Variants in NELL1 observed in about 807,000 individuals in gnomAD.
The protein encoded by NELL1 is protein kinase C-binding protein NELL1.
In NELL1, 76 loss-of-function variants were observed where a neutral mutation model predicts 107.4. The observed-to-expected ratio is 0.71, with a 90% CI of 0.59 to 0.86. NELL1 has a LOEUF of 0.86. Ranked by LOEUF, NELL1 falls within the 40% of genes least tolerant of loss-of-function variation. The probability of loss-of-function intolerance (pLI) is 0.00; values close to 1 mark genes in which losing one functional copy is unlikely to be tolerated. For synonymous variants in NELL1, 353 were observed against 341.2 expected (o/e 1.03, Z -0.38); for missense variants, 1,024 against 1,005.5 (o/e 1.02, Z -0.25).
chr11:21,228,210 G>A (rs1342016656), intron 13 of NELL1, among the ~76,000 whole-genome samples: 1 of 152,178 alleles, frequency 6.6e-6, no homozygotes, highest in Admixed American at 6.5e-5. Flanking sequence ...TTATAGAGGA[G>A]TCATTTGGGT....
chr11:21,231,125 A>G (rs1350244442), intron 14 of NELL1, among the ~76,000 whole-genome samples: 1 of 152,204 alleles, frequency 6.6e-6, no homozygotes, highest in African/African-American at 2.4e-5. Flanking sequence ...ATACATGTAC[A>G]CATCACATTG....
intron 12 of NELL1, among the ~76,000 whole-genome samples, chr11:21,070,198 A>G (rs1437565697): frequency 6.6e-6 from 1 of 152,116 alleles, no homozygotes; most frequent in Non-Finnish European, 1.5e-5. Context: ...CTTGTACTAA[A>G]TTAAATGAGA....
intron 14 of NELL1, among the ~76,000 whole-genome samples, chr11:21,331,289 C>CT (rs906539086): frequency 9.9e-5 from 15 of 151,704 alleles, no homozygotes; most frequent in East Asian, 1.9e-4. Flanking sequence ...GCATGTTTCC[C>CT]TTTTTTTTAG....
At chr11:21,140,170 T>C (rs1396828325) in intron 13 of NELL1, among the ~76,000 whole-genome samples, 1 of 152,028 alleles carries the variant, frequency 6.6e-6, no homozygotes, top group Non-Finnish European at 1.5e-5. Context: ...AGAGCCTGGG[T>C]TGGACTTGAA....
chr11:21,276,581 C>T (rs1361537745), intron 14 of NELL1, among the ~76,000 whole-genome samples: 1 of 151,992 alleles, frequency 6.6e-6, no homozygotes, highest in African/African-American at 2.4e-5. Flanking sequence ...AAAGAGCCTG[C>T]ATTGCCAAGT....
chr11:21,124,252 C>T (rs1033584295), intron 13 of NELL1, among the ~76,000 whole-genome samples: 1 of 151,916 alleles, frequency 6.6e-6, no homozygotes, highest in African/African-American at 2.4e-5. Flanking sequence ...GAGTTTTTTT[C>T]CCCCCGAAGT....
At position 21,151,330 on chromosome 11, in the gene NELL1, C is replaced by G. The variant is rs531583488; in HGVS notation, c.1426+37616C>G. Among the ~76,000 whole-genome samples, 4 of 152,264 alleles carry G rather than the reference C, an allele frequency of 2.6e-5. No homozygotes were observed. The East Asian group carries it at 7.7e-4, about 29-fold the overall frequency. On this transcript the variant is annotated intron_variant, in intron 13 of 19. Transcript: ENST00000357134. ...AGGATCCTTTACCAAATTACAAAGACTTACCCTTCATAAAGCAGCATGAAG... is the reference window on the plus strand; with the variant it reads ...AGGATCCTTTACCAAATTACAAAGAGTTACCCTTCATAAAGCAGCATGAAG...
At chr11:21,075,340 A>G (rs1167889385) in intron 12 of NELL1, among the ~76,000 whole-genome samples, 2 of 152,140 alleles carry the variant, frequency 1.3e-5, no homozygotes, top group Non-Finnish European at 2.9e-5. Context: ...TAAGAAGTAC[A>G]TATATTGCTA....
intron 18 of NELL1, among the ~76,000 whole-genome samples, chr11:21,571,342 A>G (rs961524447): frequency 6.6e-6 from 1 of 151,870 alleles, no homozygotes; most frequent in Non-Finnish European, 1.5e-5. Context: ...TAGAAATATC[A>G]GAGATTTAAT....
intron 13 of NELL1, among the ~76,000 whole-genome samples, chr11:21,162,547 G>A (rs1039967336): frequency 6.6e-6 from 1 of 152,182 alleles, no homozygotes; most frequent in Admixed American, 6.5e-5. Context: ...GATATGACCA[G>A]GTTTTAAGAT....
At chr11:20,953,944 A>T (rs887580527) in intron 11 of NELL1, among the ~76,000 whole-genome samples, 10 of 152,034 alleles carry the variant, frequency 6.6e-5, no homozygotes, top group Middle Eastern at 3.2e-3. Context: ...CTGTATTCCT[A>T]TTGTCTGGTA....
At chr11:20,748,722 C>G (rs1856060169) in intron 2 of NELL1, among the ~76,000 whole-genome samples, 1 of 152,162 alleles carries the variant, frequency 6.6e-6, no homozygotes, top group South Asian at 2.1e-4. Context: ...ATTCAAGTTG[C>G]TGTAAAAGAC....
intron 4 of NELL1, among the ~76,000 whole-genome samples, chr11:20,870,352 T>A (rs541124543): frequency 6.6e-6 from 1 of 152,208 alleles, no homozygotes; most frequent in African/African-American, 2.4e-5. Context: ...CTCACCTTTT[T>A]AATTTTTATT....
At chr11:21,075,054 C>G (rs16907420) in intron 12 of NELL1, among the ~76,000 whole-genome samples, 1,587 of 152,266 alleles carry the variant, frequency 0.01, 23 homozygotes, top group African/African-American at 0.035. Context: ...TGTGGGCTCA[C>G]TTCCCTCTTT....
intron 5 of NELL1, among the ~76,000 whole-genome samples, chr11:20,901,662 G>A (rs923969704): frequency 6.6e-6 from 1 of 151,820 alleles, no homozygotes; most frequent in Non-Finnish European, 1.5e-5. Flanking sequence ...GGGAGAAAAA[G>A]GAAGGGACTT....
intron 13 of NELL1, among the ~76,000 whole-genome samples, chr11:21,127,981 A>G (rs1855526218): frequency 6.6e-6 from 1 of 151,972 alleles, no homozygotes; most frequent in Non-Finnish European, 1.5e-5. Context: ...TTTCTGTATT[A>G]TCATGATGAT....
In NELL1 at chr11:20,694,578, C is replaced by T. The variant is rs150062261; in HGVS notation, c.184+16518C>T. On this transcript the variant is annotated intron_variant, in intron 2 of 19. Transcript: ENST00000357134. ...TTAGTAAAGATCAGATGGTTGTAGGCGTGTGGTTTTATTTCTGGATTCTCT... is the reference window on the plus strand; with the variant it reads ...TTAGTAAAGATCAGATGGTTGTAGGTGTGTGGTTTTATTTCTGGATTCTCT... 6.1e-4 allele frequency among the ~76,000 whole-genome samples: 93 copies of T among 152,002 alleles called. 1 individual carries two copies. The highest frequency in any genetic ancestry group is 1.8e-3 in the African/African-American group (74 of 41,498).
At chr11:20,771,318 C>T (rs993447752) in intron 2 of NELL1, among the ~76,000 whole-genome samples, 1 of 152,186 alleles carries the variant, frequency 6.6e-6, no homozygotes, top group African/African-American at 2.4e-5. Flanking sequence ...CTGAGGCCAC[C>T]AAAGTCATTT....
intron 2 of NELL1, among the ~76,000 whole-genome samples, chr11:20,765,788 C>T (rs1856517024): frequency 1.3e-5 from 2 of 151,992 alleles, no homozygotes; most frequent in Admixed American, 1.3e-4. Context: ...TAAGGGGATT[C>T]AATTTTTATT....
Sources: gnomAD v4.1 joint callset for allele counts (sites outside exome capture counted in the v4.1 genomes callset) on GRCh38, gnomAD v4.1.1 for gene constraint, MANE v1.5 for transcripts, NCBI Gene and HGNC (gene_info 2026-07-23, HGNC 2026-07-21) for gene names.